The following LSS variants were observed in gnomAD, a reference collection of about 807,000 sequenced individuals.
The protein encoded by LSS is 2,3-epoxysqualene-lanosterol cyclase.
In LSS, 90 loss-of-function variants were observed where a neutral mutation model predicts 110.3. The observed-to-expected ratio is 0.82, with a 90% confidence interval of 0.69 to 0.97. The LOEUF (loss-of-function observed/expected upper bound fraction) is 0.97. LSS is among the 50% of genes least tolerant of loss of function. The pLI is 0.00. For missense variants in LSS, 927 were observed against 990.0 expected (o/e 0.94, Z 0.85); for synonymous variants, 433 against 400.0 (o/e 1.08, Z -0.98).
At chr21:46,222,030 T>C in intron 4 of LSS, 55 bp from the exon 5 acceptor site, 2 of 1,594,976 alleles carry the variant, frequency 1.3e-6, no homozygotes, top group African/African-American at 1.3e-5. Flanking sequence ...TTCTAAGAAA[T>C]AAAGCAAAAC....
intron 3 of LSS, among the ~76,000 whole-genome samples, chr21:46,223,355 C>T (rs561044409): frequency 4.6e-5 from 7 of 152,308 alleles, no homozygotes; most frequent in African/African-American, 1.7e-4. Context: ...CTTCACTCCC[C>T]ATGCTTGGTT....
At position 46,228,719 on chromosome 21, in the gene LSS, C is replaced by A. The variant is rs2080391559; in HGVS notation, c.14+13G>T. 2.5e-6 allele frequency: 4 copies of A among 1,601,980 alleles called. No individual in the cohort carries two copies. Among genetic ancestry groups the A allele is most frequent in the Non-Finnish European group, 2.5e-6 (3 of 1,179,164 alleles). On this transcript the variant is annotated intron_variant, in intron 1 of 21. Coordinates refer to ENST00000397728, the MANE Select transcript of LSS (RefSeq NM_002340.6). ...CCCCGCATTCGTCAGGAGCCCGGGG[C>A]GAGGGGACTCACGTGCCCTCCGTCA...
In LSS at chr21:46,190,612, A is replaced by G. The variant is rs558722743; in HGVS notation, c.*492T>C. ...CGCACTGGGCTATTCACGGATGCAC[A>G]CTACCTGCCATTGTCACAGGGTTGC... On this transcript the variant is annotated 3_prime_UTR_variant, in exon 22 of 22. Transcript: ENST00000397728. The surrounding 1 kb of genome is among the most constrained non-coding windows in gnomAD (Gnocchi z 4.6). 1 of 166,102 alleles carries G rather than the reference A, an allele frequency of 6.0e-6. No individual in the cohort carries two copies. Among genetic ancestry groups the G allele is most frequent in the African/African-American group, 2.5e-5 (1 of 40,402 alleles). 10.3% of individuals were successfully genotyped at this position (166,102 alleles called of 1,614,324 possible). A position where few individuals can be genotyped will look rare whatever the true frequency, so the allele number is the denominator to read the frequency against.
intron 17 of LSS, among the ~76,000 whole-genome samples, chr21:46,203,758 A>T (rs2080010146): frequency 6.6e-6 from 1 of 152,214 alleles, no homozygotes; most frequent in Non-Finnish European, 1.5e-5. Context: ...GGCTTCCAAA[A>T]AAACCACACC....
chr21:46,212,046 CGCTGG>C (rs2080140666), intron 11 of LSS, among the ~76,000 whole-genome samples: 1 of 120,250 alleles, frequency 8.3e-6, no homozygotes, highest in African/African-American at 3.2e-5. Context: ...GCTGAGGGAG[CGCTGG>C]GCAGGGAGGG....
In LSS at chr21:46,219,527, A is replaced by G. The variant is rs755972851; in HGVS notation, c.596T>C (p.Val199Ala). Residue 199 changes from valine to alanine, a missense_variant, in exon 6 of 22, where the codon GTC becomes GCC. Transcript: ENST00000397728. The part of the protein sequence containing the change: ...IPSWGKFWLA[V>A]LNVYSWEGLN... ...GCCTTCCCAGCTGTAAACATTCAGG[A>G]CAGCCAGCCAGAACTTCCCCCAGGA... 8.1e-6 allele frequency: 13 copies of G among 1,603,866 alleles called. 1 individual carries two copies. In the South Asian group the frequency reaches 1.5e-4, roughly 18 times the overall value.
chr21:46,194,202 C>G (rs1193545185), intron 20 of LSS, among the ~76,000 whole-genome samples: 1 of 152,224 alleles, frequency 6.6e-6, no homozygotes, highest in Non-Finnish European at 1.5e-5. Flanking sequence ...CTCGCTGTTT[C>G]CATGGGTCCC....
At chr21:46,205,102 G>A (rs1229255296) in intron 17 of LSS, among the ~76,000 whole-genome samples, 2 of 152,196 alleles carry the variant, frequency 1.3e-5, no homozygotes, top group Non-Finnish European at 2.9e-5. Flanking sequence ...ACGTGACCAT[G>A]AGAAATGGGT....
intron 17 of LSS, among the ~76,000 whole-genome samples, 187 bp downstream of exon 17, chr21:46,205,648 AG>A: frequency 6.6e-6 from 1 of 152,358 alleles, no homozygotes. Flanking sequence ...TGCTATTCTG[AG>A]CCCCTAACAG....
chr21:46,198,267 TAAAA>T (rs34529498), intron 17 of LSS, among the ~76,000 whole-genome samples: 2 of 143,660 alleles, frequency 1.4e-5, no homozygotes, highest in Non-Finnish European at 3.0e-5. Flanking sequence ...CTGCGTCCCT[TAAAA>T]AAAAAAAAAA....
At position 46,210,729 on chromosome 21, in the gene LSS, G is replaced by A; in HGVS notation, c.1153C>T (p.Gln385Ter). Reference protein sequence around the residue: ...GMKMQGTNGSQIWDTAFAIQA... With the variant: ...GMKMQGTNGS ...ATGGCGAATGCGGTGTCCCAGATCT[G>A]TGAGCCGTTGGTGCCCTACACACAA... Residue 385 changes from glutamine (Q) to a stop codon, truncating the protein, a stop_gained, in exon 12 of 22, where the codon CAG (glutamine) becomes TAG (stop). Transcript: ENST00000397728. LOFTEE classifies it high-confidence loss of function. 6.2e-7 allele frequency: 1 copy of A among 1,614,066 alleles called. No individual in the cohort carries two copies. The highest frequency in any genetic ancestry group is 1.1e-5 in the South Asian group (1 of 91,062).
In LSS at chr21:46,227,707, A is replaced by G. The variant is rs776965431; in HGVS notation, c.181-17T>C. 7 of 969,484 alleles carry G rather than the reference A, an allele frequency of 7.2e-6. No homozygotes were observed. Among genetic ancestry groups the G allele is most frequent in the South Asian group, 3.5e-5 (2 of 57,292 alleles). 60.1% of individuals were successfully genotyped at this position (969,484 alleles called of 1,614,324 possible). A position where few individuals can be genotyped will look rare whatever the true frequency, so the allele number is the denominator to read the frequency against. On this transcript the variant is annotated splice_polypyrimidine_tract_variant and intron_variant, in intron 2 of 21. Transcript: ENST00000397728. ...GTAATTCTTCTGCAAAGAGATCGAA[A>G]AAAAAAAAAAGAGATAGCTGACGGG...
chr21:46,227,985 G>C (rs2080371885), intron 2 of LSS, among the ~76,000 whole-genome samples: 1 of 152,174 alleles, frequency 6.6e-6, no homozygotes, highest in Non-Finnish European at 1.5e-5. Flanking sequence ...CACGGGTGCC[G>C]ACCTGGGCCT....
At chr21:46,220,197 A>G (rs1191858609) in intron 5 of LSS, 1 of 152,370 alleles carries the variant, frequency 6.6e-6, no homozygotes, top group African/African-American at 2.4e-5. Flanking sequence ...AAAAGTCAAT[A>G]AAGACCCACA....
Position 46,210,733 on chromosome 21 carries a change from G to GC in LSS, c.1148dup (p.Ser384LeufsTer15). The stretch of plus-strand genomic sequence containing the variant: ...CGAATGCGGTGTCCCAGATCTGTGA[G>GC]CCGTTGGTGCCCTACACACAAAGGA... On this transcript the variant is annotated frameshift_variant, in exon 12 of 22. Transcript: ENST00000397728. The GC allele has an allele frequency of 6.2e-7, 1 of 1,614,078 alleles. No homozygotes were observed. Among genetic ancestry groups the GC allele is most frequent in the Non-Finnish European group, 8.5e-7 (1 of 1,180,004 alleles).
At chr21:46,222,010 CT>C in intron 4 of LSS, 35 bp from the exon 5 acceptor site, 1 of 1,604,460 alleles carries the variant, frequency 6.2e-7, no homozygotes, top group Non-Finnish European at 8.5e-7. Flanking sequence ...AAACCGGTAT[CT>C]GTCCTTACTT....
In LSS at chr21:46,217,116, G is replaced by A. The variant is rs147066579; in HGVS notation, c.648-592C>T. 8.0e-4 allele frequency among the ~76,000 whole-genome samples: 122 copies of A among 152,036 alleles called. 2 individuals carry two copies. The highest frequency in any genetic ancestry group is 2.9e-3 in the African/African-American group (121 of 41,462). On this transcript the variant is annotated intron_variant, in intron 6 of 21. Coordinates refer to ENST00000397728, the MANE Select transcript of LSS (RefSeq NM_002340.6). ...ACAAAAATAAGCCAGGCATGGTGGT[G>A]TGTGCCTCTAGTCCCAGCTACTCGG...
chr21:46,223,366 C>T (rs2080300241), intron 3 of LSS, among the ~76,000 whole-genome samples: 2 of 152,266 alleles, frequency 1.3e-5, no homozygotes, highest in African/African-American at 2.4e-5. Flanking sequence ...ATGCTTGGTT[C>T]CATCAGCCAT....
rs1477707703 is a variant in LSS at position 46,190,303 on chromosome 21, C to A, written c.*801G>T. 1 of 162,744 alleles carries A rather than the reference C, an allele frequency of 6.1e-6. No homozygotes were observed. The highest frequency in any genetic ancestry group is 5.7e-5 in the Admixed American group (1 of 17,692). The allele number at this position is 162,744 out of a possible 1,614,324, so 10.1% of individuals were successfully genotyped here. On this transcript the variant is annotated 3_prime_UTR_variant, in exon 22 of 22. Transcript: ENST00000397728. The surrounding 1 kb of genome is among the most constrained non-coding windows in gnomAD (Gnocchi z 4.6). ...CTGTGTCCACAAGACTACTATAAAC[C>A]CTGTAGACACCTCACAAACAGCATT...
Sources: allele counts gnomAD v4.1 joint callset (sites outside exome capture counted in the v4.1 genomes callset), GRCh38; gene constraint gnomAD v4.1.1; non-coding constraint Gnocchi (gnomAD v3.1); transcripts MANE v1.5; gene names NCBI Gene and HGNC (gene_info 2026-07-23, HGNC 2026-07-21).